GDF7: variants seen among roughly 807,000 people sequenced by gnomAD.
The protein encoded by GDF7 is growth/differentiation factor 7.
Under a neutral mutation model 13.4 loss-of-function variants are expected in GDF7, and 12 were observed. The ratio of observed to expected loss-of-function variants is 0.90; its 90% CI spans 0.57 to 1.45. The LOEUF (loss-of-function observed/expected upper bound fraction) is 1.45, where lower values mean the gene tolerates loss of function less well. Ranked by LOEUF, GDF7 falls within the 40% of genes most tolerant of loss-of-function variation. The pLI, the probability that GDF7 is intolerant of heterozygous loss-of-function variation, is 0.00. For synonymous variants in GDF7, 330 were observed against 306.4 expected (o/e 1.08, Z -0.80); for missense variants, 651 against 652.4 (o/e 1.00, Z 0.02).
chr2:20,669,807 G>A (rs1391263816), intron 1 of GDF7, among the ~76,000 whole-genome samples: 1 of 152,246 alleles, frequency 6.6e-6, no homozygotes, highest in Non-Finnish European at 1.5e-5. Flanking sequence ...AGCGAAGTTG[G>A]ACTAGAAGGT....
At position 20,676,337 on chromosome 2, in the gene GDF7, T is replaced by C. The variant is rs977963355; in HGVS notation, c.*4912T>C. On this transcript the variant is annotated 3_prime_UTR_variant, in exon 2 of 2. Coordinates refer to ENST00000272224, the MANE Select transcript of GDF7 (RefSeq NM_182828.4). ...AAGGGAGGACCCAAAAAGATGTTTA[T>C]TTCTAAGTTTTCAGACAGCTTGGCA... 3.3e-5 allele frequency: 5 copies of C among 152,256 alleles called. No homozygotes were observed. Among genetic ancestry groups the C allele is most frequent in the African/African-American group, 1.2e-4 (5 of 41,460 alleles). 9.4% of individuals were successfully genotyped at this position (152,256 alleles called of 1,614,324 possible).
intron 1 of GDF7, among the ~76,000 whole-genome samples, chr2:20,668,875 T>C (rs539733912): frequency 6.6e-6 from 1 of 152,278 alleles, no homozygotes; most frequent in East Asian, 1.9e-4. Context: ...GGGATACTTA[T>C]AGGACGCCCT....
intron 1 of GDF7, 75 bp from the exon 2 acceptor site, chr2:20,670,386 TAGG>T: frequency 7.2e-7 from 1 of 1,393,272 alleles, no homozygotes; most frequent in Non-Finnish European, 9.4e-7. Flanking sequence ...CATTTGCTGT[TAGG>T]AGGCCCCGCG....
In GDF7 at chr2:20,679,025, A is replaced by C. The variant is rs1662280754; in HGVS notation, c.*7600A>C. 1 of 152,242 alleles carries C rather than the reference A, an allele frequency of 6.6e-6. No homozygotes were observed. Among genetic ancestry groups the C allele is most frequent in the Admixed American group, 6.5e-5 (1 of 15,288 alleles). The allele number at this position is 152,242 out of a possible 1,614,324, so 9.4% of individuals were successfully genotyped here. A position where few individuals can be genotyped will look rare whatever the true frequency, so the allele number is the denominator to read the frequency against. ...GTTGCCGATGCCCAGGCCAGCTAGC[A>C]GGGAGCCCTCCCAGGGCTGGTAGAA... On this transcript the variant is annotated 3_prime_UTR_variant, in exon 2 of 2. Transcript: ENST00000272224.
chr2:20,667,365 C>CGGCGGCGGT lies in GDF7; in HGVS notation c.134_135insTGGCGGCGG (p.Gly48_Gly50dup). The CGGCGGCGGT allele has an allele frequency of 1.1e-6, 1 of 907,166 alleles. No homozygotes were observed. 56.2% of individuals were successfully genotyped at this position (907,166 alleles called of 1,614,324 possible). On this transcript the variant is annotated inframe_insertion, in exon 1 of 2. Coordinates refer to ENST00000272224, the MANE Select transcript of GDF7 (RefSeq NM_182828.4). This position sits in a 1 kb window ranked among gnomAD's most constrained non-coding sequence, Gnocchi z 6.4. ...CTGGGCCGGTCCGGAGCCCAGGGGG[C>CGGCGGCGGT]GGCGGCGGCGGCGGCGGCGGCGGGC...
intron 1 of GDF7, among the ~76,000 whole-genome samples, chr2:20,668,064 G>T (rs1696001361): frequency 1.3e-5 from 2 of 152,236 alleles, no homozygotes; most frequent in South Asian, 4.1e-4. Flanking sequence ...AGCAATTTCT[G>T]CAGCTCCCAG....
intron 1 of GDF7, among the ~76,000 whole-genome samples, chr2:20,669,643 C>T (rs778645072): frequency 3.3e-5 from 5 of 152,198 alleles, no homozygotes; most frequent in Non-Finnish European, 7.3e-5. Context: ...TCCTTGTGTT[C>T]CTTTACTGCC....
chr2:20,670,461 C>A lies in GDF7; in HGVS notation c.392-3C>A. On this transcript the variant is annotated splice_region_variant and splice_polypyrimidine_tract_variant and intron_variant, in intron 1 of 1. Coordinates refer to ENST00000272224, the MANE Select transcript of GDF7 (RefSeq NM_182828.4). Reference sequence around the variant, plus strand: ...TCTCTCTGTCCCTGCCGGTCCCCCGCAGACGAATCGGCAGCCGAAACAGGC... The same window carrying A: ...TCTCTCTGTCCCTGCCGGTCCCCCGAAGACGAATCGGCAGCCGAAACAGGC... 1 of 1,531,804 alleles carries A rather than the reference C, an allele frequency of 6.5e-7. No individual in the cohort carries two copies. The highest frequency in any genetic ancestry group is 1.3e-5 in the South Asian group (1 of 79,830). 94.9% of individuals were successfully genotyped at this position (1,531,804 alleles called of 1,614,324 possible). A position where few individuals can be genotyped will look rare whatever the true frequency, so the allele number is the denominator to read the frequency against.
At position 20,670,745 on chromosome 2, in the gene GDF7, CG is replaced by C; in HGVS notation, c.674del (p.Arg225ProfsTer44). ...CATGAGGCGCCACCGTCGTGAACCG[CG>C]CCCCCCCCGCGCGTTCTGCCTCTTG... ...DAMRRHRREP[R>X]PPRAFCLLLR... On this transcript the variant is annotated frameshift_variant, in exon 2 of 2. Transcript: ENST00000272224. LOFTEE classifies it low-confidence loss of function (END_TRUNC). The C allele has an allele frequency of 6.7e-7, 1 of 1,482,780 alleles. No individual in the cohort carries two copies. Among genetic ancestry groups the C allele is most frequent in the Non-Finnish European group, 8.9e-7 (1 of 1,122,426 alleles). 91.9% of individuals were successfully genotyped at this position (1,482,780 alleles called of 1,614,324 possible). A position where few individuals can be genotyped will look rare whatever the true frequency, so the allele number is the denominator to read the frequency against.
At chr2:20,668,917 G>GTGCCCTGAAGGC (rs58722815) in intron 1 of GDF7, among the ~76,000 whole-genome samples, 1 of 151,610 alleles carries the variant, frequency 6.6e-6, no homozygotes, top group African/African-American at 2.4e-5. Flanking sequence ...GGACTGAAGG[G>GTGCCCTGAAGGC]TCCCAGGCTG....
In GDF7 at chr2:20,671,006, G is replaced by A. The variant is rs1415998496; in HGVS notation, c.934G>A (p.Ala312Thr). 6.5e-7 allele frequency: 1 copy of A among 1,545,652 alleles called. No individual in the cohort carries two copies. The highest frequency in any genetic ancestry group is 1.9e-5 in the Admixed American group (1 of 53,834). Residue 312 changes from alanine to threonine, a missense_variant, in exon 2 of 2, where the codon GCA becomes ACA. Ala to Thr is a moderately conservative substitution (Grantham distance 58, BLOSUM62 0). Around this residue, in one of 4 missense-constraint regions of GDF7, gnomAD observed 487 missense variants for 445.9 expected, o/e 1.09. Transcript: ENST00000272224. ...DPGTGTASPR[A>T]VIGGRRRRRT... ...AGGAACCGGCACCGCGTCGCCAAGG[G>A]CAGTCATTGGCGGCCGCAGACGGAG...
rs1255022885 is a variant in GDF7, at chr2:20,675,762, C to T, written c.*4337C>T. ...GAGCCTCATCTTACCGGTTTCGCAG[C>T]TCTTGCCTGTGCATGTGCATGTGTG... On this transcript the variant is annotated 3_prime_UTR_variant, in exon 2 of 2. Coordinates refer to ENST00000272224, the MANE Select transcript of GDF7 (RefSeq NM_182828.4). 2.0e-5 allele frequency: 3 copies of T among 152,562 alleles called. No individual in the cohort carries two copies. The highest frequency in any genetic ancestry group is 3.9e-4 in the East Asian group (2 of 5,170). 9.5% of individuals were successfully genotyped at this position (152,562 alleles called of 1,614,324 possible).
Position 20,679,192 on chromosome 2 carries a change from A to G in GDF7, c.*7767A>G, listed in dbSNP as rs568869415. The G allele has an allele frequency of 6.6e-6, 1 of 152,370 alleles. No individual in the cohort carries two copies. Among genetic ancestry groups the G allele is most frequent in the African/African-American group, 2.4e-5 (1 of 41,590 alleles). The allele number at this position is 152,370 out of a possible 1,614,324, so 9.4% of individuals were successfully genotyped here. ...GAACATGCTTGTATACTCTTCATTA[A>G]CCATTTTAATATTTTGTACAGATAA... On this transcript the variant is annotated 3_prime_UTR_variant, in exon 2 of 2. Coordinates refer to ENST00000272224, the MANE Select transcript of GDF7 (RefSeq NM_182828.4).
In GDF7 at chr2:20,672,116, C is replaced by T. The variant is rs1235556778; in HGVS notation, c.*691C>T. 7.8e-6 allele frequency: 1 copy of T among 128,364 alleles called. No homozygotes were observed. The highest frequency in any genetic ancestry group is 3.2e-5 in the African/African-American group (1 of 31,190). The allele number at this position is 128,364 out of a possible 1,614,324, so 8.0% of individuals were successfully genotyped here. On this transcript the variant is annotated 3_prime_UTR_variant, in exon 2 of 2. Coordinates refer to ENST00000272224, the MANE Select transcript of GDF7 (RefSeq NM_182828.4). ...AAAGGTCGGTACCGCCACCCCCCCC[C>T]CCCCCCCCGCCTTTTTTTTTTTTTT...
Position 20,678,836 on chromosome 2 carries a change from T to TG in GDF7, c.*7417dup, listed in dbSNP as rs1197417369. 5.3e-5 allele frequency: 8 copies of TG among 152,110 alleles called. No homozygotes were observed. Among genetic ancestry groups the TG allele is most frequent in the African/African-American group, 1.9e-4 (8 of 41,416 alleles). The allele number at this position is 152,110 out of a possible 1,614,324, so 9.4% of individuals were successfully genotyped here. On this transcript the variant is annotated 3_prime_UTR_variant, in exon 2 of 2. Coordinates refer to ENST00000272224, the MANE Select transcript of GDF7 (RefSeq NM_182828.4). ...GCTTGGGAGTAAGGAGATTGGAGTG[T>TG]GGGGGGACATTAGAAACTCATTTAA...
In GDF7 at chr2:20,671,296, C is replaced by T. The variant is rs376857749; in HGVS notation, c.1224C>T (p.Asp408=). 16 of 1,613,682 alleles carry T rather than the reference C, an allele frequency of 9.9e-6. No homozygotes were observed. The highest frequency in any genetic ancestry group is 3.3e-4 in the Middle Eastern group (2 of 6,084). ...CGCTGCTCAACTCCATGGCACCAGA[C>T]GCGGCGCCGGCCTCCTGCTGTGTGC... ...IQTLLNSMAP[D]AAPASCCVPA... is the part of the protein sequence containing the mutation. The change falls in exon 2 of 2, where the codon GAC becomes GAT. Residue 408 remains aspartate (D), a synonymous_variant. Coordinates refer to ENST00000272224, the MANE Select transcript of GDF7 (RefSeq NM_182828.4).
In GDF7 at chr2:20,671,047, C is replaced by T; in HGVS notation, c.975C>T (p.Ala325=). ...GGRRRRRTAL[A]GTRTAQGSGG... is the part of the protein sequence containing the mutation. ...GCAGACGGAGGAGGACGGCGTTGGCCGGGACGCGGACAGCGCAGGGCAGCG... is the reference window on the plus strand; with the variant it reads ...GCAGACGGAGGAGGACGGCGTTGGCTGGGACGCGGACAGCGCAGGGCAGCG... Residue 325 remains alanine, a synonymous_variant, in exon 2 of 2, where the codon GCC becomes GCT. Transcript: ENST00000272224. 2.6e-6 allele frequency: 4 copies of T among 1,511,698 alleles called. No homozygotes were observed. Among genetic ancestry groups the T allele is most frequent in the Non-Finnish European group, 3.5e-6 (4 of 1,131,258 alleles). The allele number at this position is 1,511,698 out of a possible 1,614,324, so 93.6% of individuals were successfully genotyped here. A position where few individuals can be genotyped will look rare whatever the true frequency, so the allele number is the denominator to read the frequency against.
rs1028036828 is a variant in GDF7 at position 20,673,365 on chromosome 2, G to A, written c.*1940G>A. 1 of 152,132 alleles carries A rather than the reference G, an allele frequency of 6.6e-6. No homozygotes were observed. The highest frequency in any genetic ancestry group is 2.4e-5 in the African/African-American group (1 of 41,424). 9.4% of individuals were successfully genotyped at this position (152,132 alleles called of 1,614,324 possible). A position where few individuals can be genotyped will look rare whatever the true frequency, so the allele number is the denominator to read the frequency against. On this transcript the variant is annotated 3_prime_UTR_variant, in exon 2 of 2. Transcript: ENST00000272224. Reference sequence around the variant, plus strand: ...AAAAATATCCAAAAGTGGCTGCTCTGGTACAATTCCATCTTATTTTAGTGA... The same window carrying A: ...AAAAATATCCAAAAGTGGCTGCTCTAGTACAATTCCATCTTATTTTAGTGA...
Position 20,670,818 on chromosome 2 carries a change from G to T in GDF7, c.746G>T (p.Arg249Leu). The T allele has an allele frequency of 2.0e-6, 3 of 1,495,164 alleles. No individual in the cohort carries two copies. Among genetic ancestry groups the T allele is most frequent in the South Asian group, 1.3e-5 (1 of 79,004 alleles). 92.6% of individuals were successfully genotyped at this position (1,495,164 alleles called of 1,614,324 possible). A position where few individuals can be genotyped will look rare whatever the true frequency, so the allele number is the denominator to read the frequency against. ...GPVPSPLALRRLGFGWPGGGG... is the reference protein window; with the variant it reads ...GPVPSPLALRLLGFGWPGGGG... ...GTGCCGAGCCCGTTGGCACTGCGGC[G>T]GCTGGGCTTCGGCTGGCCGGGCGGA... Residue 249 changes from arginine (R) to leucine (L), a missense_variant, in exon 2 of 2, where the codon CGG (arginine) becomes CTG (leucine). Transcript: ENST00000272224.
Sources: allele counts gnomAD v4.1 joint callset (sites outside exome capture counted in the v4.1 genomes callset), GRCh38; gene constraint gnomAD v4.1.1; regional missense constraint gnomAD v4.1.1; non-coding constraint Gnocchi (gnomAD v3.1); transcripts MANE v1.5; gene names NCBI Gene and HGNC (gene_info 2026-07-23, HGNC 2026-07-21).